TMCO5A: variants seen among roughly 807,000 people sequenced by gnomAD.
TMCO5A encodes transmembrane and coiled-coil domains 5A, also known as transmembrane and coiled-coil domain-containing protein 5A.
TMCO5A carries 34 observed loss-of-function variants against 42.3 expected under a neutral mutation model. The observed-to-expected ratio is 0.80, with a 90% CI of 0.61 to 1.07. The LOEUF is 1.07. TMCO5A is among the 50% of genes least tolerant of loss of function. The pLI is 0.00. For synonymous variants in TMCO5A, 131 were observed against 115.6 expected, an observed-to-expected ratio of 1.13 and a Z score of -0.86; for missense variants, 357 against 327.9, an observed-to-expected ratio of 1.09 and a Z score of -0.69.
At chr15:38,021,702 C>T in the TMCO5A span, among the ~76,000 whole-genome samples, 68 of 151,878 alleles carry the variant, frequency 4.5e-4, no homozygotes, top group East Asian at 9.9e-3. Context: ...AAAAATCAGT[C>T]GTGTTTTATT....
chr15:37,986,836 T>C, the TMCO5A span, among the ~76,000 whole-genome samples: 1 of 152,048 alleles, frequency 6.6e-6, no homozygotes, highest in South Asian at 2.1e-4. Context: ...TGCTTCCACA[T>C]TTTAGCTATG....
the TMCO5A span, chr15:37,993,349 C>G: frequency 6.7e-6 from 1 of 149,430 alleles, no homozygotes; most frequent in Non-Finnish European, 1.5e-5. Flanking sequence ...GTTTCTCCTC[C>G]TTCCCCAGGG....
At chr15:37,992,577 C>T in the TMCO5A span, among the ~76,000 whole-genome samples, 2 of 152,036 alleles carry the variant, frequency 1.3e-5, no homozygotes, top group Admixed American at 1.3e-4. Context: ...TTCACAATAG[C>T]AAAGACATGG....
the TMCO5A span, among the ~76,000 whole-genome samples, chr15:38,012,026 AAGG>A: frequency 6.6e-6 from 1 of 152,074 alleles, no homozygotes; most frequent in Non-Finnish European, 1.5e-5. Flanking sequence ...CAGGAGGCTG[AAGG>A]AGGAGAATGG....
At chr15:37,953,092 C>T (rs575286299), downstream of TMCO5A, among the ~76,000 whole-genome samples, 10 of 152,270 alleles carry the variant, frequency 6.6e-5, no homozygotes, top group African/African-American at 2.2e-4. Context: ...ACTCTAGACC[C>T]TGGCCCCTGA....
chr15:38,040,008 A>G, the TMCO5A span: 1 of 152,248 alleles, frequency 6.6e-6, no homozygotes, highest in African/African-American at 2.4e-5. Context: ...ACATAACTGG[A>G]GCCTCAGCTC....
the TMCO5A span, chr15:37,994,496 C>T: frequency 3.3e-5 from 5 of 152,140 alleles, no homozygotes; most frequent in African/African-American, 9.7e-5. Context: ...AAAAGGATAC[C>T]AAATATACTA....
chr15:37,983,656 A>G, the TMCO5A span, among the ~76,000 whole-genome samples: 2 of 152,006 alleles, frequency 1.3e-5, no homozygotes, highest in Admixed American at 1.3e-4. Flanking sequence ...AGATCACACA[A>G]TTAACTAGTG....
chr15:38,019,012 A>G, the TMCO5A span, among the ~76,000 whole-genome samples: 1 of 152,168 alleles, frequency 6.6e-6, no homozygotes, highest in Non-Finnish European at 1.5e-5. Flanking sequence ...GGTAAAGAAT[A>G]TTTTCAGATA....
chr15:37,965,383 G>T (rs1890532462), intron 11 of TMCO5A, among the ~76,000 whole-genome samples: 2 of 152,044 alleles, frequency 1.3e-5, no homozygotes, highest in African/African-American at 4.8e-5. Flanking sequence ...ACAAGCACAG[G>T]CAACCAAGAC....
chr15:38,035,410 A>T, the TMCO5A span, among the ~76,000 whole-genome samples: 4 of 152,136 alleles, frequency 2.6e-5, no homozygotes, highest in Non-Finnish European at 5.9e-5. Context: ...CATATCCAAA[A>T]CCAAACCAAT....
the TMCO5A span, among the ~76,000 whole-genome samples, chr15:38,025,623 A>G: frequency 3.3e-5 from 5 of 152,180 alleles, no homozygotes; most frequent in East Asian, 3.8e-4. Context: ...GATTTAGTTC[A>G]ATCACAAGTT....
At chr15:38,032,104 C>A in the TMCO5A span, among the ~76,000 whole-genome samples, 3 of 152,030 alleles carry the variant, frequency 2.0e-5, no homozygotes, top group African/African-American at 4.8e-5. Flanking sequence ...TACAGGCATG[C>A]ACCACCACGC....
the TMCO5A span, among the ~76,000 whole-genome samples, chr15:38,013,652 G>C: frequency 6.6e-6 from 1 of 152,118 alleles, no homozygotes; most frequent in Non-Finnish European, 1.5e-5. Context: ...GGAACATTTT[G>C]AGTTTGATAG....
At chr15:38,009,002 A>G in the TMCO5A span, among the ~76,000 whole-genome samples, 1 of 152,214 alleles carries the variant, frequency 6.6e-6, no homozygotes, top group East Asian at 1.9e-4. Flanking sequence ...CATATGGAAA[A>G]AGAGATTCAT....
the TMCO5A span, among the ~76,000 whole-genome samples, chr15:38,019,926 A>T: frequency 6.6e-6 from 1 of 151,906 alleles, no homozygotes; most frequent in African/African-American, 2.4e-5. Context: ...GGTTCTATGG[A>T]CTTGGACAAA....
intron 11 of TMCO5A, among the ~76,000 whole-genome samples, chr15:37,948,553 C>T (rs1360359808): frequency 6.6e-6 from 1 of 151,940 alleles, no homozygotes; most frequent in East Asian, 1.9e-4. Context: ...CTCTAGAACT[C>T]CTAGTTTGTT....
At chr15:38,025,573 G>A in the TMCO5A span, among the ~76,000 whole-genome samples, 1 of 152,126 alleles carries the variant, frequency 6.6e-6, no homozygotes, top group Admixed American at 6.5e-5. Flanking sequence ...TTTAAAATAT[G>A]TATTTTTTAA....
At chr15:37,977,376 G>C in the TMCO5A span, among the ~76,000 whole-genome samples, 3 of 152,178 alleles carry the variant, frequency 2.0e-5, no homozygotes. Flanking sequence ...TTTGAGTATA[G>C]TCTGTTGTCT....
Sources: allele counts gnomAD v4.1 joint callset (sites outside exome capture counted in the v4.1 genomes callset), GRCh38; gene constraint gnomAD v4.1.1; transcripts MANE v1.5; gene names NCBI Gene and HGNC (gene_info 2026-07-23, HGNC 2026-07-21).